POLR3E: variants seen among roughly 807,000 people sequenced by gnomAD.
The protein encoded by POLR3E is DNA-directed RNA polymerase III subunit RPC5.
In POLR3E, 41 loss-of-function variants were observed where a neutral mutation model predicts 96.6. The observed-to-expected ratio is 0.42, with a 90% CI of 0.33 to 0.55. The LOEUF (loss-of-function observed/expected upper bound fraction) is 0.55. POLR3E is among the 20% of genes least tolerant of loss of function. The probability of loss-of-function intolerance (pLI) is 0.06; values close to 1 mark genes in which losing one functional copy is unlikely to be tolerated. For missense variants in POLR3E, 849 were observed against 952.1 expected (o/e 0.89, Z 1.43); for synonymous variants, 396 against 383.6 (o/e 1.03, Z -0.38).
Position 22,326,226 on chromosome 16 carries a change from G to T in POLR3E, c.1814G>T (p.Arg605Leu), listed in dbSNP as rs767640780. The T allele has an allele frequency of 6.2e-7, 1 of 1,611,100 alleles. No homozygotes were observed. The highest frequency in any genetic ancestry group is 1.3e-5 in the African/African-American group (1 of 74,676). ...GHTLFSGISD[R>L]MLQDTVLAAG... Reference sequence around the variant, plus strand: ...ACACTCTTCAGCGGCATCTCGGACCGCATGCTACAGGACACGGTGCTGGCC... The same window carrying T: ...ACACTCTTCAGCGGCATCTCGGACCTCATGCTACAGGACACGGTGCTGGCC... Residue 605 changes from arginine to leucine, a missense_variant, in exon 18 of 21, where the codon CGC (arginine) becomes CTC (leucine). By Grantham distance (102) the Arg-to-Leu change is moderately radical. Transcript: ENST00000299853.
intron 19 of POLR3E, among the ~76,000 whole-genome samples, chr16:22,329,301 T>C (rs2048686050): frequency 6.6e-6 from 1 of 152,060 alleles, no homozygotes; most frequent in African/African-American, 2.4e-5. Context: ...GTTAAAGAAA[T>C]TGGTCATTTT....
chr16:22,325,914 C>T lies in POLR3E; in HGVS notation c.1502C>T (p.Pro501Leu). ...CCCGGTGTGCGGATCAAGGAGGAGC[C>T]CGTGAGCGAGGAGGGCGAGGAGGAC... is the stretch of plus-strand genomic sequence containing the variant. ...VPPGVRIKEE[P>L]VSEEGEEDEE... is the part of the protein sequence containing the mutation. Residue 501 changes from proline (P) to leucine (L), a missense_variant, in exon 18 of 21, where the codon CCC (proline) becomes CTC (leucine). Transcript: ENST00000299853. 1 of 1,603,450 alleles carries T rather than the reference C, an allele frequency of 6.2e-7. No homozygotes were observed. The highest frequency in any genetic ancestry group is 1.1e-5 in the South Asian group (1 of 90,004).
intron 1 of POLR3E, among the ~76,000 whole-genome samples, chr16:22,301,444 G>A (rs1200412387): frequency 6.6e-6 from 1 of 152,176 alleles, no homozygotes; most frequent in Non-Finnish European, 1.5e-5. Flanking sequence ...TAGCTGAGCG[G>A]ATGGTGCATG....
intron 19 of POLR3E, chr16:22,328,898 G>C (rs751954850): frequency 3.1e-6 from 1 of 317,984 alleles, no homozygotes; most frequent in Non-Finnish European, 6.2e-6. Context: ...GGCCAAGGTG[G>C]GTGGATCACC....
Position 22,309,162 on chromosome 16 carries a change from T to C in POLR3E, c.281+122T>C. ...GGCTCCCCACCAGTGTCCCAGCCTT[T>C]GGAGGGCTGGGCCTGTCTCAGACTC... is the stretch of plus-strand genomic sequence containing the variant. On this transcript the variant is annotated intron_variant, in intron 5 of 20. Coordinates refer to ENST00000299853, the MANE Select transcript of POLR3E (RefSeq NM_018119.4). 4 of 708,306 alleles carry C rather than the reference T, an allele frequency of 5.6e-6. No homozygotes were observed. In the South Asian group the frequency reaches 6.9e-5, roughly 12 times the overall value. The allele number at this position is 708,306 out of a possible 1,614,324, so 43.9% of individuals were successfully genotyped here. A position where few individuals can be genotyped will look rare whatever the true frequency, so the allele number is the denominator to read the frequency against.
chr16:22,314,578 A>G (rs1385028644), intron 8 of POLR3E, among the ~76,000 whole-genome samples: 1 of 152,216 alleles, frequency 6.6e-6, no homozygotes, highest in Non-Finnish European at 1.5e-5. Flanking sequence ...CTATTTAAGC[A>G]TATTTAGATT....
chr16:22,309,271 C>CT (rs1567312615), intron 5 of POLR3E, 157 bp from the exon 6 acceptor site: 2 of 724,020 alleles, frequency 2.8e-6, no homozygotes, highest in Non-Finnish European at 2.5e-6. Context: ...TTTTCTCATC[C>CT]CCAGGCTGCC....
intron 1 of POLR3E, among the ~76,000 whole-genome samples, chr16:22,298,496 AATAGGGAGGAAT>A (rs1388587614): frequency 6.6e-6 from 1 of 152,152 alleles, no homozygotes; most frequent in Non-Finnish European, 1.5e-5. Flanking sequence ...TAGGGATGAA[AATAGGGAGGAAT>A]ACCAAACCCA....
intron 1 of POLR3E, among the ~76,000 whole-genome samples, chr16:22,299,229 C>T (rs189020518): frequency 8.5e-5 from 13 of 152,118 alleles, no homozygotes; most frequent in Non-Finnish European, 1.3e-4. Flanking sequence ...TGCAAAGGAC[C>T]TGGGGTGGAC....
At chr16:22,333,063 C>CT (rs1329080494) in intron 20 of POLR3E, among the ~76,000 whole-genome samples, 1 of 148,182 alleles carries the variant, frequency 6.7e-6, no homozygotes, top group Non-Finnish European at 1.5e-5. Context: ...CAACCTCTAC[C>CT]TCCCAGTTTC....
chr16:22,321,195 G>A (rs992063097), intron 13 of POLR3E, among the ~76,000 whole-genome samples: 1 of 152,164 alleles, frequency 6.6e-6, no homozygotes, highest in African/African-American at 2.4e-5. Context: ...GATATTACCA[G>A]TGCAGACCCT....
rs535213232 is a variant in POLR3E at position 22,335,007 on chromosome 16, A to G, written c.*1307A>G. The G allele has an allele frequency of 6.6e-6, 1 of 152,260 alleles. No homozygotes were observed. The highest frequency in any genetic ancestry group is 6.5e-5 in the Admixed American group (1 of 15,290). 9.4% of individuals were successfully genotyped at this position (152,260 alleles called of 1,614,324 possible). A position where few individuals can be genotyped will look rare whatever the true frequency, so the allele number is the denominator to read the frequency against. ...ATTGATCAAGGATGTACTTTGCCAA[A>G]TAAGTATTTGGTAACATCACTTAAC... On this transcript the variant is annotated 3_prime_UTR_variant, in exon 21 of 21. Transcript: ENST00000299853.
chr16:22,297,666 C>T (rs554863809), intron 1 of POLR3E, 129 bp downstream of exon 1: 3 of 152,686 alleles, frequency 2.0e-5, no homozygotes, highest in African/African-American at 7.2e-5. Flanking sequence ...CTGGAGGCCT[C>T]TCGGGACTCG....
intron 19 of POLR3E, chr16:22,331,855 C>A (rs2048747881): frequency 5.9e-6 from 3 of 504,642 alleles, no homozygotes; most frequent in Non-Finnish European, 1.1e-5. Context: ...AGCATTAATG[C>A]CTTTACTTTT....
chr16:22,325,097 C>T (rs548430919), intron 16 of POLR3E, 108 bp from the exon 17 acceptor site: 18 of 861,110 alleles, frequency 2.1e-5, no homozygotes, highest in Admixed American at 1.1e-4. Context: ...TCCAAGCCTG[C>T]GCTGTCAGTA....
chr16:22,311,413 G>C (rs369788573), intron 6 of POLR3E, among the ~76,000 whole-genome samples: 2 of 151,594 alleles, frequency 1.3e-5, no homozygotes, highest in African/African-American at 2.4e-5. Flanking sequence ...CTATAAGCTG[G>C]TTTTAGTCTT....
intron 20 of POLR3E, 26 bp from the exon 21 acceptor site, chr16:22,333,616 CTG>C (rs2048789427): frequency 6.4e-7 from 1 of 1,563,016 alleles, no homozygotes; most frequent in Non-Finnish European, 8.8e-7. Flanking sequence ...CTGCAAAAAT[CTG>C]TGCTTACCCT....
In POLR3E at chr16:22,303,410, C is replaced by T. The variant is rs148288150; in HGVS notation, c.36+406C>T. ...GTATAGTGCCTGGCACCCAGGTACC[C>T]GGCGACTATTTGGTGAATGAATGAA... is the stretch of plus-strand genomic sequence containing the variant. On this transcript the variant is annotated intron_variant, in intron 2 of 20. Coordinates refer to ENST00000299853, the MANE Select transcript of POLR3E (RefSeq NM_018119.4). Among the ~76,000 whole-genome samples, 1,297 of 152,248 alleles carry T rather than the reference C, an allele frequency of 8.5e-3. 18 individuals carry two copies. The highest frequency in any genetic ancestry group is 0.03 in the African/African-American group (1,227 of 41,522).
chr16:22,309,640 G>A lies in POLR3E; in HGVS notation c.364+130G>A, dbSNP rs1465447570. The A allele has an allele frequency of 1.2e-5, 9 of 748,174 alleles. No homozygotes were observed. In the Admixed American group the frequency reaches 1.7e-4, roughly 14 times the overall value. 46.3% of individuals were successfully genotyped at this position (748,174 alleles called of 1,614,324 possible). The stretch of plus-strand genomic sequence containing the variant: ...CTAGACACCTGTGGGGGCCGGGCAG[G>A]TGTGGAAATAACAGAAATGACACAT... On this transcript the variant is annotated intron_variant, in intron 6 of 20. Coordinates refer to ENST00000299853, the MANE Select transcript of POLR3E (RefSeq NM_018119.4).
Sources: allele counts gnomAD v4.1 joint callset (sites outside exome capture counted in the v4.1 genomes callset), GRCh38; gene constraint gnomAD v4.1.1; transcripts MANE v1.5; gene names NCBI Gene and HGNC (gene_info 2026-07-23, HGNC 2026-07-21).